GLCCI1: variants seen among roughly 807,000 people sequenced by gnomAD.
GLCCI1 encodes the protein glucocorticoid induced 1.
A neutral mutation model predicts 52.2 loss-of-function variants in GLCCI1; 24 were observed. The ratio of observed to expected loss-of-function variants is 0.46; its 90% CI spans 0.33 to 0.65. GLCCI1 has a LOEUF of 0.65. Ranked by LOEUF, GLCCI1 falls within the 30% of genes least tolerant of loss-of-function variation. The pLI, the probability that GLCCI1 is intolerant of heterozygous loss-of-function variation, is 0.02. For synonymous variants in GLCCI1, 310 were observed against 276.5 expected, an observed-to-expected ratio of 1.12 and a Z score of -1.20; for missense variants, 704 against 701.5, an observed-to-expected ratio of 1.00 and a Z score of -0.04.
chr7:8,082,353 G>T (rs531719342), intron 6 of GLCCI1, among the ~76,000 whole-genome samples: 7 of 152,144 alleles, frequency 4.6e-5, no homozygotes, highest in African/African-American at 1.4e-4. Flanking sequence ...TTCATGAATG[G>T]CAATTCCTTT....
Position 8,055,413 on chromosome 7 carries a change from C to T in GLCCI1, c.697-20C>T. 2.0e-6 allele frequency: 3 copies of T among 1,507,604 alleles called. No individual in the cohort carries two copies. Among genetic ancestry groups the T allele is most frequent in the South Asian group, 1.1e-5 (1 of 88,066 alleles). The allele number at this position is 1,507,604 out of a possible 1,614,324, so 93.4% of individuals were successfully genotyped here. On this transcript the variant is annotated intron_variant, in intron 3 of 7. Coordinates refer to ENST00000223145, the MANE Select transcript of GLCCI1 (RefSeq NM_138426.4). ...ATTCACTTTTATTCTCTTCTTACTT[C>T]TCTTTCCCTGTCCCCAAAGCAGATC...
At chr7:8,081,331 ACTATT>A (rs1291158299) in intron 6 of GLCCI1, among the ~76,000 whole-genome samples, 1 of 152,236 alleles carries the variant, frequency 6.6e-6, no homozygotes, top group Non-Finnish European at 1.5e-5. Context: ...GTTAAGAACC[ACTATT>A]CTATTATTGC....
chr7:7,984,985 T>C (rs554575372), intron 1 of GLCCI1, among the ~76,000 whole-genome samples: 1 of 152,372 alleles, frequency 6.6e-6, no homozygotes, highest in African/African-American at 2.4e-5. Context: ...ACTTTAGTTA[T>C]AGTTCCCTAG....
At chr7:8,045,643 T>C (rs1045497122) in intron 3 of GLCCI1, among the ~76,000 whole-genome samples, 3 of 152,330 alleles carry the variant, frequency 2.0e-5, no homozygotes, top group South Asian at 4.1e-4. Context: ...GGTATTTTCC[T>C]GTGACCCAAT....
chr7:8,078,343 C>CA (rs1277690480), intron 6 of GLCCI1, among the ~76,000 whole-genome samples: 1 of 151,714 alleles, frequency 6.6e-6, no homozygotes, highest in African/African-American at 2.4e-5. Flanking sequence ...AACTATAACT[C>CA]ACGTTGACAC....
chr7:7,987,956 A>C (rs1160530661), intron 1 of GLCCI1, among the ~76,000 whole-genome samples: 1 of 152,126 alleles, frequency 6.6e-6, no homozygotes, highest in Non-Finnish European at 1.5e-5. Flanking sequence ...GTTCAATTAG[A>C]TTATTTTCCT....
intron 1 of GLCCI1, among the ~76,000 whole-genome samples, chr7:7,993,530 G>A (rs561607155): frequency 6.6e-6 from 1 of 152,218 alleles, no homozygotes; most frequent in South Asian, 2.1e-4. Flanking sequence ...CAGATTGTGT[G>A]GAATCCCCTC....
At chr7:8,044,529 C>T (rs551083180) in intron 3 of GLCCI1, among the ~76,000 whole-genome samples, 20 of 152,182 alleles carry the variant, frequency 1.3e-4, no homozygotes, top group Non-Finnish European at 2.8e-4. Flanking sequence ...TGCCACCACA[C>T]CTGGCTAATT....
At chr7:8,019,271 C>T (rs768676779) in intron 2 of GLCCI1, among the ~76,000 whole-genome samples, 33 of 152,118 alleles carry the variant, frequency 2.2e-4, no homozygotes, top group Non-Finnish European at 4.4e-4. Context: ...TTAAAATGTG[C>T]TAAGTGTGAC....
At chr7:8,004,476 A>C (rs545686627) in intron 2 of GLCCI1, among the ~76,000 whole-genome samples, 25 of 152,342 alleles carry the variant, frequency 1.6e-4, no homozygotes, top group African/African-American at 5.5e-4. Flanking sequence ...TTTAAAACCA[A>C]GACTAAAAGC....
chr7:8,031,444 G>C (rs879705422), intron 3 of GLCCI1, among the ~76,000 whole-genome samples: 20 of 151,982 alleles, frequency 1.3e-4, no homozygotes, highest in Non-Finnish European at 2.7e-4. Context: ...GGTTAATGGG[G>C]GAAAAAGTTG....
intron 1 of GLCCI1, among the ~76,000 whole-genome samples, chr7:7,999,920 T>C (rs541192955): frequency 6.6e-6 from 1 of 152,056 alleles, no homozygotes; most frequent in Non-Finnish European, 1.5e-5. Flanking sequence ...ACAAATAAAA[T>C]AAACACCACC....
chr7:8,086,332 TCC>T lies in GLCCI1; in HGVS notation c.1441_1442del (p.Pro481Ter). ...TGCTTCTGACCTTATGCTCAAGAAC[TCC>T]CCTAACTCTGGCCAGAGCTCAGCTT... ...LPASDLMLKN[S>X]PNSGQSSALA... On this transcript the variant is annotated frameshift_variant, in exon 8 of 8. Transcript: ENST00000223145. LOFTEE classifies it high-confidence loss of function. This position sits in a 1 kb window ranked among gnomAD's most constrained non-coding sequence, Gnocchi z 4.4. The T allele has an allele frequency of 6.2e-7, 1 of 1,614,044 alleles. No individual in the cohort carries two copies. The highest frequency in any genetic ancestry group is 8.5e-7 in the Non-Finnish European group (1 of 1,179,956).
At chr7:7,992,101 GTCTGTT>G (rs1232000593) in intron 1 of GLCCI1, among the ~76,000 whole-genome samples, 6 of 93,936 alleles carry the variant, frequency 6.4e-5, no homozygotes, top group South Asian at 3.2e-4. Context: ...CTTTCTTTCT[GTCTGTT>G]TCTCTCTCTC....
chr7:7,988,284 TTTTG>T (rs559750404), intron 1 of GLCCI1, among the ~76,000 whole-genome samples: 147 of 152,096 alleles, frequency 9.7e-4, no homozygotes, highest in African/African-American at 3.3e-3. Context: ...GAGTTTTTTG[TTTTG>T]TTTTGTTTTG....
At chr7:8,008,103 ACT>A (rs1781193048) in intron 2 of GLCCI1, among the ~76,000 whole-genome samples, 1 of 122,910 alleles carries the variant, frequency 8.1e-6, no homozygotes, top group South Asian at 2.4e-4. Context: ...CTTAAAATCT[ACT>A]CTCTTAGCAA....
intron 5 of GLCCI1, among the ~76,000 whole-genome samples, chr7:8,063,033 A>G (rs1782550765): frequency 6.6e-6 from 1 of 152,204 alleles, no homozygotes; most frequent in Non-Finnish European, 1.5e-5. Context: ...GAGTTGAGAA[A>G]TCACCACAGT....
At chr7:7,993,671 A>G (rs995452835) in intron 1 of GLCCI1, among the ~76,000 whole-genome samples, 17 of 152,104 alleles carry the variant, frequency 1.1e-4, no homozygotes, top group African/African-American at 4.1e-4. Context: ...CTATGGCCCA[A>G]TACTTTTTTA....
At position 8,079,330 on chromosome 7, in the gene GLCCI1, A is replaced by G. The variant is rs188593856; in HGVS notation, c.1178-5567A>G. Reference sequence around the variant, plus strand: ...TCCTGGAAATTTTGCCATTTAATAAACTTGACAATATAAAAATTAAGATTG... The same window carrying G: ...TCCTGGAAATTTTGCCATTTAATAAGCTTGACAATATAAAAATTAAGATTG... On this transcript the variant is annotated intron_variant, in intron 6 of 7. Coordinates refer to ENST00000223145, the MANE Select transcript of GLCCI1 (RefSeq NM_138426.4). 1.4e-3 allele frequency among the ~76,000 whole-genome samples: 204 copies of G among 146,874 alleles called. 11 individuals are homozygous for G. The highest frequency in any genetic ancestry group is 5.3e-3 in the African/African-American group (195 of 36,494).
Sources: gnomAD v4.1 joint callset for allele counts (sites outside exome capture counted in the v4.1 genomes callset) on GRCh38, gnomAD v4.1.1 for gene constraint, Gnocchi (gnomAD v3.1) non-coding constraint, MANE v1.5 for transcripts, NCBI Gene and HGNC (gene_info 2026-07-23, HGNC 2026-07-21) for gene names.